ANK3: variants seen among roughly 807,000 people sequenced by gnomAD.
ANK3 encodes ankyrin 3, also known as ankyrin-3.
A neutral mutation model predicts 370.9 loss-of-function variants in ANK3; 57 were observed. The observed-to-expected ratio is 0.15, with a 90% CI of 0.12 to 0.19. The LOEUF (loss-of-function observed/expected upper bound fraction) is 0.19. Among genes scored for constraint, ANK3 ranks in the 10% least tolerant of loss-of-function variants. ANK3 has a pLI of 1.00. For synonymous variants in ANK3, 1,929 were observed against 1,946.3 expected (o/e 0.99, Z 0.23); for missense variants, 4,439 against 5,302.1 (o/e 0.84, Z 5.06).
chr10:60,530,745 A>G (rs2076587473), intron 2 of ANK3, among the ~76,000 whole-genome samples: 1 of 151,276 alleles, frequency 6.6e-6, no homozygotes, highest in South Asian at 2.1e-4. Context: ...GTGAGTTAAC[A>G]CCTTAGCTCC....
At chr10:60,310,519 G>A (rs1225803004) in intron 1 of ANK3, among the ~76,000 whole-genome samples, 11 of 152,042 alleles carry the variant, frequency 7.2e-5, no homozygotes, top group Admixed American at 7.2e-4. Context: ...TTGAATACAT[G>A]AGAAAAAAGA....
intron 18 of ANK3, among the ~76,000 whole-genome samples, chr10:60,177,019 T>C (rs2095984725): frequency 6.6e-6 from 1 of 152,142 alleles, no homozygotes; most frequent in Non-Finnish European, 1.5e-5. Context: ...CATTTCACCA[T>C]CTCCACTGCT....
At chr10:60,383,634 A>C (rs1351536467) in intron 1 of ANK3, among the ~76,000 whole-genome samples, 2 of 152,144 alleles carry the variant, frequency 1.3e-5, no homozygotes, top group Non-Finnish European at 2.9e-5. Context: ...GTAAACACAT[A>C]ATTATGGTAC....
At chr10:60,078,423 C>T (rs1250026246) in intron 36 of ANK3, among the ~76,000 whole-genome samples, 1 of 152,134 alleles carries the variant, frequency 6.6e-6, no homozygotes, top group Non-Finnish European at 1.5e-5. Flanking sequence ...TTTGCAGATT[C>T]CTTCAAATTC....
chr10:60,271,420 T>C (rs1328366402), intron 4 of ANK3, among the ~76,000 whole-genome samples: 1 of 152,090 alleles, frequency 6.6e-6, no homozygotes, highest in African/African-American at 2.4e-5. Flanking sequence ...TCACCCAGCA[T>C]GGGCTTGAAC....
At chr10:60,064,096 C>T in intron 39 of ANK3, 61 bp downstream of exon 39, 1 of 1,438,962 alleles carries the variant, frequency 6.9e-7, no homozygotes, top group South Asian at 1.5e-5. Flanking sequence ...TAACAGTTGG[C>T]TTATCTAAAA....
chr10:60,601,428 A>G (rs1363067400), intron 2 of ANK3, among the ~76,000 whole-genome samples: 3 of 152,168 alleles, frequency 2.0e-5, no homozygotes, highest in Non-Finnish European at 2.9e-5. Context: ...GTTATTAGTG[A>G]TAAGAATGGT....
At chr10:60,615,317 C>T (rs777507277) in intron 1 of ANK3, 9 of 790,900 alleles carry the variant, frequency 1.1e-5, no homozygotes, top group Non-Finnish European at 1.3e-5. Context: ...TATTAATTGA[C>T]TTATAAACAT....
intron 24 of ANK3, among the ~76,000 whole-genome samples, chr10:60,137,007 G>GA (rs539872074): frequency 2.5e-3 from 386 of 152,136 alleles, no homozygotes; most frequent in Non-Finnish European, 4.4e-3. Context: ...AAATAAAACA[G>GA]AAACCAGCAA....
At chr10:60,180,652 C>T (rs537979578) in intron 18 of ANK3, among the ~76,000 whole-genome samples, 4 of 133,988 alleles carry the variant, frequency 3.0e-5, no homozygotes, top group Admixed American at 1.5e-4. Flanking sequence ...ACACAAATGA[C>T]ACAAATCTGA....
At chr10:60,412,926 T>C (rs2063588804) in intron 2 of ANK3, among the ~76,000 whole-genome samples, 1 of 152,194 alleles carries the variant, frequency 6.6e-6, no homozygotes, top group Non-Finnish European at 1.5e-5. Context: ...CAGCATGCTA[T>C]CTGGTACATA....
At chr10:60,566,456 G>T (rs186730217) in intron 2 of ANK3, among the ~76,000 whole-genome samples, 2 of 152,260 alleles carry the variant, frequency 1.3e-5, no homozygotes, top group Admixed American at 1.3e-4. Context: ...GCCAAATTAT[G>T]AATGCAAAAA....
intron 2 of ANK3, among the ~76,000 whole-genome samples, chr10:60,529,409 C>T (rs749115832): frequency 2.6e-5 from 4 of 152,126 alleles, no homozygotes; most frequent in Non-Finnish European, 5.9e-5. Context: ...CTGTCAGTTA[C>T]CAACTGATCT....
intron 2 of ANK3, among the ~76,000 whole-genome samples, chr10:60,405,544 G>GT (rs2063437789): frequency 6.6e-6 from 1 of 152,128 alleles, no homozygotes; most frequent in African/African-American, 2.4e-5. Flanking sequence ...TGATAGTAAT[G>GT]TTTTGTGTCT....
At chr10:60,080,405 A>T in intron 36 of ANK3, 132 bp downstream of exon 36, 4 of 743,934 alleles carry the variant, frequency 5.4e-6, no homozygotes, top group Non-Finnish European at 4.5e-6. Flanking sequence ...CTTAGGTTGT[A>T]TGACAGGGTT....
chr10:60,596,329 C>A (rs1200269031), intron 2 of ANK3, among the ~76,000 whole-genome samples: 1 of 152,052 alleles, frequency 6.6e-6, no homozygotes, highest in Non-Finnish European at 1.5e-5. Flanking sequence ...AATGAAATCA[C>A]CAACACTGAA....
At chr10:60,234,654 C>A in intron 8 of ANK3, 34 bp downstream of exon 8, 1 of 1,291,488 alleles carries the variant, frequency 7.7e-7, no homozygotes, top group Non-Finnish European at 1.1e-6. Flanking sequence ...TTCCTGAATA[C>A]AAGTAGAAGC....
intron 2 of ANK3, among the ~76,000 whole-genome samples, chr10:60,557,612 T>A (rs992479160): frequency 6.6e-6 from 1 of 152,136 alleles, no homozygotes; most frequent in Non-Finnish European, 1.5e-5. Flanking sequence ...TATATTTAAA[T>A]ATATATTGTA....
chr10:60,475,567 C>G (rs78067675), intron 2 of ANK3, among the ~76,000 whole-genome samples: 3,612 of 152,194 alleles, frequency 0.024, 147 homozygotes, highest in African/African-American at 0.082. Context: ...ACAAAAGCAT[C>G]TGAACAAAAA....
Sources: gnomAD v4.1 joint callset for allele counts (sites outside exome capture counted in the v4.1 genomes callset) on GRCh38, gnomAD v4.1.1 for gene constraint, MANE v1.5 for transcripts, NCBI Gene and HGNC (gene_info 2026-07-23, HGNC 2026-07-21) for gene names.